Variants in ARB2A observed in about 807,000 individuals in gnomAD.
ARB2A encodes the protein cotranscriptional regulator ARB2A.
chr5:93,652,024 C>A, the ARB2A span, among the ~76,000 whole-genome samples: 1 of 152,076 alleles, frequency 6.6e-6, no homozygotes, highest in East Asian at 1.9e-4. Flanking sequence ...AGAAAGAGAA[C>A]AGAGGAAGTG....
At chr5:93,929,634 G>A in the ARB2A span, among the ~76,000 whole-genome samples, 2 of 152,020 alleles carry the variant, frequency 1.3e-5, no homozygotes, top group African/African-American at 4.8e-5. Flanking sequence ...AAAAATAAAT[G>A]TAAAGTTAAA....
At chr5:94,006,575 A>C in the ARB2A span, among the ~76,000 whole-genome samples, 503 of 152,316 alleles carry the variant, frequency 3.3e-3, 2 homozygotes, top group African/African-American at 0.012. Flanking sequence ...TTACAACTGC[A>C]CTTGTATGAC....
the ARB2A span, chr5:93,881,524 A>G: frequency 1.2e-6 from 2 of 1,610,776 alleles, no homozygotes; most frequent in Non-Finnish European, 1.7e-6. Context: ...GATACTTCTC[A>G]TAGAAATCAC....
At chr5:93,750,806 TG>T in the ARB2A span, among the ~76,000 whole-genome samples, 3 of 152,304 alleles carry the variant, frequency 2.0e-5, no homozygotes, top group South Asian at 6.2e-4. Flanking sequence ...ATAACAGGCA[TG>T]AGCCATCATA....
chr5:94,062,779 A>G, the ARB2A span, among the ~76,000 whole-genome samples: 2 of 152,096 alleles, frequency 1.3e-5, no homozygotes, highest in African/African-American at 4.8e-5. Flanking sequence ...ACATCTCCAC[A>G]TCACTGGATC....
At chr5:94,002,247 T>G in the ARB2A span, among the ~76,000 whole-genome samples, 1 of 152,040 alleles carries the variant, frequency 6.6e-6, no homozygotes, top group Non-Finnish European at 1.5e-5. Context: ...TCTGGCATAA[T>G]TCAAAAATGG....
chr5:93,625,830 T>C, the ARB2A span, among the ~76,000 whole-genome samples: 1 of 152,094 alleles, frequency 6.6e-6, no homozygotes, highest in Non-Finnish European at 1.5e-5. Flanking sequence ...TTAGAAAAAA[T>C]GGTTAAAAAC....
the ARB2A span, among the ~76,000 whole-genome samples, chr5:93,643,844 T>G: frequency 1.3e-5 from 2 of 152,246 alleles, no homozygotes; most frequent in Non-Finnish European, 2.9e-5. Context: ...AGTTTTAATA[T>G]GTATTTCTAA....
At chr5:93,942,067 C>G in the ARB2A span, among the ~76,000 whole-genome samples, 12 of 152,246 alleles carry the variant, frequency 7.9e-5, no homozygotes, top group East Asian at 9.6e-4. Context: ...TAGTTTCTCC[C>G]CGCTCTACCC....
At chr5:93,629,920 G>C in the ARB2A span, among the ~76,000 whole-genome samples, 1 of 152,090 alleles carries the variant, frequency 6.6e-6, no homozygotes, top group Non-Finnish European at 1.5e-5. Flanking sequence ...GATAATAACA[G>C]GTAAGGGAAT....
At chr5:93,741,594 A>C in the ARB2A span, 1 of 1,480,750 alleles carries the variant, frequency 6.8e-7, no homozygotes, top group Admixed American at 2.5e-5. Context: ...CGGCTCTGGT[A>C]GGAACTGATG....
At chr5:93,745,862 A>G in the ARB2A span, among the ~76,000 whole-genome samples, 1 of 152,070 alleles carries the variant, frequency 6.6e-6, no homozygotes, top group Non-Finnish European at 1.5e-5. Context: ...CATTGCCACT[A>G]AGATGGACAG....
the ARB2A span, chr5:93,862,302 T>A: frequency 1.3e-5 from 2 of 152,150 alleles, no homozygotes; most frequent in Admixed American, 6.5e-5. Context: ...AAAAATAAGT[T>A]CCCCTGAAAG....
the ARB2A span, among the ~76,000 whole-genome samples, chr5:93,908,430 T>C: frequency 6.6e-6 from 1 of 150,820 alleles, no homozygotes; most frequent in Non-Finnish European, 1.5e-5. Context: ...CAAAAGTATC[T>C]TGTACTTTAT....
the ARB2A span, among the ~76,000 whole-genome samples, chr5:93,860,118 C>A: frequency 9.9e-5 from 15 of 152,100 alleles, no homozygotes; most frequent in African/African-American, 3.6e-4. Flanking sequence ...GATGGTGAAA[C>A]CCCGTCTCTA....
At chr5:93,631,660 A>G in the ARB2A span, among the ~76,000 whole-genome samples, 4 of 152,180 alleles carry the variant, frequency 2.6e-5, no homozygotes, top group African/African-American at 4.8e-5. Flanking sequence ...GCTTCATTGT[A>G]AAATAACACT....
chr5:94,103,473 C>T, the ARB2A span, among the ~76,000 whole-genome samples: 2 of 151,902 alleles, frequency 1.3e-5, no homozygotes, highest in Admixed American at 1.3e-4. Context: ...CTTTAACTAC[C>T]CTAAATATAC....
the ARB2A span, among the ~76,000 whole-genome samples, chr5:93,747,680 A>T: frequency 3.3e-5 from 5 of 152,056 alleles, no homozygotes; most frequent in South Asian, 2.1e-4. Flanking sequence ...CTCATGCCCA[A>T]ATCAAAATTT....
At chr5:93,933,504 G>T in the ARB2A span, among the ~76,000 whole-genome samples, 1 of 152,094 alleles carries the variant, frequency 6.6e-6, no homozygotes, top group Non-Finnish European at 1.5e-5. Context: ...CCTTTGCAGG[G>T]ACATGAATGA....
Sources: allele counts gnomAD v4.1 joint callset (sites outside exome capture counted in the v4.1 genomes callset), GRCh38; gene constraint gnomAD v4.1.1; transcripts MANE v1.5; gene names NCBI Gene and HGNC (gene_info 2026-07-23, HGNC 2026-07-21).